Variants in CEP85L observed in about 807,000 individuals in gnomAD.
The protein encoded by CEP85L is centrosomal protein 85L, also known as centrosomal protein of 85 kDa-like.
Under a neutral mutation model 100.3 loss-of-function variants are expected in CEP85L, and 60 were observed. That is an observed-to-expected ratio of 0.60 (90% CI 0.49 to 0.74). The LOEUF (loss-of-function observed/expected upper bound fraction) is 0.74, where lower values mean the gene tolerates loss of function less well. Among genes scored for constraint, CEP85L ranks in the 30% least tolerant of loss-of-function variants. The probability of loss-of-function intolerance (pLI) is 0.00; values close to 1 mark genes in which losing one functional copy is unlikely to be tolerated. For synonymous variants in CEP85L, 319 were observed against 322.7 expected, an observed-to-expected ratio of 0.99 and a Z score of 0.12; for missense variants, 973 against 936.2, an observed-to-expected ratio of 1.04 and a Z score of -0.51.
At chr6:118,705,799 A>G (rs1381368262) in intron 1 of CEP85L, among the ~76,000 whole-genome samples, 2 of 152,238 alleles carry the variant, frequency 1.3e-5, no homozygotes, top group Non-Finnish European at 1.5e-5. Context: ...TGGTAACTCC[A>G]TATGTCCAAA....
chr6:118,475,927 C>T (rs1773334046), intron 10 of CEP85L, among the ~76,000 whole-genome samples: 1 of 152,052 alleles, frequency 6.6e-6, no homozygotes, highest in African/African-American at 2.4e-5. Context: ...TTAGGGACTG[C>T]CTGAGGAACT....
At chr6:118,664,252 G>T (rs1776066994) in intron 1 of CEP85L, among the ~76,000 whole-genome samples, 1 of 152,116 alleles carries the variant, frequency 6.6e-6, no homozygotes, top group Non-Finnish European at 1.5e-5. Flanking sequence ...TGAATTCATG[G>T]TTGGTTGAAT....
chr6:118,584,983 C>T (rs1368774506), intron 2 of CEP85L, among the ~76,000 whole-genome samples: 2 of 152,206 alleles, frequency 1.3e-5, no homozygotes, highest in Non-Finnish European at 2.9e-5. Context: ...AATCATAGTA[C>T]AGACCTATGC....
intron 3 of CEP85L, chr6:118,558,844 T>G: frequency 1.0e-6 from 1 of 953,988 alleles, no homozygotes; most frequent in Non-Finnish European, 1.7e-6. Context: ...AAGAAGACAG[T>G]TATCTCATAT....
intron 3 of CEP85L, among the ~76,000 whole-genome samples, chr6:118,533,532 T>C (rs1001751702): frequency 9.2e-5 from 14 of 152,050 alleles, no homozygotes; most frequent in African/African-American, 3.1e-4. Flanking sequence ...ACCAAATGTT[T>C]AAAGAATTAA....
intron 3 of CEP85L, among the ~76,000 whole-genome samples, chr6:118,539,549 G>A (rs114879073): frequency 6.6e-6 from 1 of 152,148 alleles, no homozygotes; most frequent in African/African-American, 2.4e-5. Flanking sequence ...ATGTAGCAAT[G>A]AATTTTTCTA....
intron 2 of CEP85L, among the ~76,000 whole-genome samples, chr6:118,618,527 T>C (rs1024478206): frequency 9.9e-5 from 15 of 152,202 alleles, no homozygotes; most frequent in African/African-American, 3.1e-4. Flanking sequence ...AATTTCCTTT[T>C]TTTGGTGCCT....
At chr6:118,583,270 T>C (rs968043608) in intron 2 of CEP85L, among the ~76,000 whole-genome samples, 3 of 152,152 alleles carry the variant, frequency 2.0e-5, no homozygotes, top group African/African-American at 2.4e-5. Flanking sequence ...TTCTGGAAAT[T>C]GAAGGAAGGA....
chr6:118,600,300 G>GGGGGGGGGT (rs1562297733), intron 2 of CEP85L, among the ~76,000 whole-genome samples: 2 of 52,240 alleles, frequency 3.8e-5, no homozygotes, highest in Non-Finnish European at 4.0e-5. Context: ...CCTTCCTGGG[G>GGGGGGGGGT]GTGTGTGTGT....
intron 1 of CEP85L, among the ~76,000 whole-genome samples, chr6:118,633,828 C>G (rs868818714): frequency 2.6e-5 from 4 of 152,190 alleles, no homozygotes; most frequent in Non-Finnish European, 5.9e-5. Flanking sequence ...ATGCCTAATA[C>G]AGTAAGTCTC....
intron 2 of CEP85L, among the ~76,000 whole-genome samples, chr6:118,587,791 T>C (rs1780954721): frequency 6.6e-6 from 1 of 152,204 alleles, no homozygotes; most frequent in South Asian, 2.1e-4. Flanking sequence ...GTGGACCCTT[T>C]TCACTTGGCA....
chr6:118,478,966 T>C (rs771257720), intron 10 of CEP85L, among the ~76,000 whole-genome samples: 40 of 152,190 alleles, frequency 2.6e-4, no homozygotes, highest in Non-Finnish European at 5.1e-4. Context: ...ATTCTTAATT[T>C]AGATTGAGAT....
chr6:118,503,389 C>T (rs1014613234), intron 5 of CEP85L, among the ~76,000 whole-genome samples: 1 of 152,078 alleles, frequency 6.6e-6, no homozygotes, highest in Non-Finnish European at 1.5e-5. Flanking sequence ...AGATTCAACA[C>T]AATCCCAACC....
At chr6:118,597,850 C>G (rs115228903) in intron 2 of CEP85L, among the ~76,000 whole-genome samples, 2 of 152,130 alleles carry the variant, frequency 1.3e-5, no homozygotes, top group Non-Finnish European at 2.9e-5. Flanking sequence ...AGTCTGAGAA[C>G]AGGAGAGAGT....
At chr6:118,586,707 T>C (rs1054742571) in intron 2 of CEP85L, among the ~76,000 whole-genome samples, 3 of 152,194 alleles carry the variant, frequency 2.0e-5, no homozygotes, top group Non-Finnish European at 4.4e-5. Flanking sequence ...ATATGAGAAC[T>C]AATCATCTTA....
chr6:118,646,669 T>A (rs919256212), intron 1 of CEP85L, among the ~76,000 whole-genome samples: 1 of 152,008 alleles, frequency 6.6e-6, no homozygotes, highest in Non-Finnish European at 1.5e-5. Context: ...TCAAAAAAAA[T>A]AAAAAATGAT....
intron 1 of CEP85L, among the ~76,000 whole-genome samples, chr6:118,687,804 C>T (rs912244744): frequency 6.6e-6 from 1 of 152,220 alleles, no homozygotes; most frequent in Non-Finnish European, 1.5e-5. Flanking sequence ...GACTTCCATC[C>T]CTCCAGATCT....
intron 3 of CEP85L, among the ~76,000 whole-genome samples, chr6:118,532,439 T>TCCA (rs2114833688): frequency 6.6e-6 from 1 of 152,208 alleles, no homozygotes; most frequent in Admixed American, 6.6e-5. Context: ...TGACAAATCA[T>TCCA]TTGTACACTA....
At chr6:118,497,324 T>C (rs1488878887) in intron 5 of CEP85L, among the ~76,000 whole-genome samples, 1 of 152,178 alleles carries the variant, frequency 6.6e-6, no homozygotes, top group Non-Finnish European at 1.5e-5. Context: ...TTTTCTGCAA[T>C]GATAGCGACC....
Sources: allele counts gnomAD v4.1 joint callset (sites outside exome capture counted in the v4.1 genomes callset), GRCh38; gene constraint gnomAD v4.1.1; transcripts MANE v1.5; gene names NCBI Gene and HGNC (gene_info 2026-07-23, HGNC 2026-07-21).